BABAM2: variants seen among roughly 807,000 people sequenced by gnomAD.
BABAM2 encodes the protein BRISC and BRCA1-A complex member 2.
BABAM2 carries 31 observed loss-of-function variants against 54.7 expected under a neutral mutation model. The observed-to-expected ratio is 0.57, with a 90% confidence interval of 0.43 to 0.77. The LOEUF (loss-of-function observed/expected upper bound fraction) is 0.77, where lower values mean the gene tolerates loss of function less well. Among genes scored for constraint, BABAM2 ranks in the 30% least tolerant of loss-of-function variants. The probability of loss-of-function intolerance (pLI) is 0.00; values close to 1 mark genes in which losing one functional copy is unlikely to be tolerated. For synonymous variants in BABAM2, 167 were observed against 162.9 expected (o/e 1.03, Z -0.19); for missense variants, 364 against 455.8 (o/e 0.80, Z 1.83).
intron 10 of BABAM2, among the ~76,000 whole-genome samples, chr2:28,292,211 G>A (rs1337430933): frequency 3.9e-5 from 6 of 152,194 alleles, no homozygotes; most frequent in Non-Finnish European, 5.9e-5. Context: ...GCCAACTTGT[G>A]AATAATGGTG....
chr2:28,112,854 T>C (rs146002301), intron 6 of BABAM2, among the ~76,000 whole-genome samples: 89 of 152,326 alleles, frequency 5.8e-4, no homozygotes, highest in African/African-American at 2.0e-3. Flanking sequence ...CTCCACATCC[T>C]TGCCAGCATC....
chr2:28,297,837 C>T (rs931797841), intron 10 of BABAM2, among the ~76,000 whole-genome samples: 14 of 152,070 alleles, frequency 9.2e-5, no homozygotes, highest in Admixed American at 5.2e-4. Context: ...GCACTCTTAC[C>T]GCTTCTCCAA....
chr2:28,254,582 C>T (rs189038147), intron 10 of BABAM2, among the ~76,000 whole-genome samples: 23 of 151,956 alleles, frequency 1.5e-4, no homozygotes, highest in East Asian at 9.7e-4. Flanking sequence ...TATAGTGAAC[C>T]GCTATCACCC....
chr2:28,272,969 T>A (rs1019439466), intron 10 of BABAM2, among the ~76,000 whole-genome samples: 1 of 152,118 alleles, frequency 6.6e-6, no homozygotes, highest in Admixed American at 6.6e-5. Flanking sequence ...CAGGAAGTCA[T>A]CCATGGCCAC....
intron 6 of BABAM2, among the ~76,000 whole-genome samples, chr2:28,061,997 G>A (rs927800806): frequency 7.2e-5 from 11 of 152,074 alleles, no homozygotes; most frequent in Non-Finnish European, 1.2e-4. Flanking sequence ...GGTGGCTCAC[G>A]CCTGTAATCT....
At position 28,325,591 on chromosome 2, in the gene BABAM2, C is replaced by A. The variant is rs183135988; in HGVS notation, c.1089-12859C>A. Among the ~76,000 whole-genome samples, 1 of 152,318 alleles carries A rather than the reference C, an allele frequency of 6.6e-6. No homozygotes were observed. Among genetic ancestry groups the A allele is most frequent in the African/African-American group, 2.4e-5 (1 of 41,554 alleles). On this transcript the variant is annotated intron_variant, in intron 11 of 11. Transcript: ENST00000379624. The surrounding 1 kb of genome is among the most constrained non-coding windows in gnomAD (Gnocchi z 4.3). Reference sequence around the variant, plus strand: ...ACCCTCTCCCATTGAGTAGTTTCTTCTTTGGGAATTGCTGCTTTTCTGTCT... The same window carrying A: ...ACCCTCTCCCATTGAGTAGTTTCTTATTTGGGAATTGCTGCTTTTCTGTCT...
chr2:27,956,132 T>TTC, intron 3 of BABAM2, among the ~76,000 whole-genome samples: 1 of 152,258 alleles, frequency 6.6e-6, no homozygotes, highest in South Asian at 2.1e-4. Flanking sequence ...TACTTCTGAG[T>TTC]TGTCTTCTTT....
At chr2:27,907,700 A>G (rs1009397312) in intron 2 of BABAM2, among the ~76,000 whole-genome samples, 1 of 152,052 alleles carries the variant, frequency 6.6e-6, no homozygotes. Flanking sequence ...TCCCCCAGCT[A>G]CTGGCAGCCA....
chr2:28,213,395 C>T (rs1318902114), intron 7 of BABAM2, among the ~76,000 whole-genome samples: 1 of 152,050 alleles, frequency 6.6e-6, no homozygotes, highest in African/African-American at 2.4e-5. Context: ...CGTTTGCCTA[C>T]CTTTTTGAGA....
intron 10 of BABAM2, among the ~76,000 whole-genome samples, chr2:28,296,091 C>T (rs929342872): frequency 2.6e-5 from 4 of 151,838 alleles, no homozygotes; most frequent in Non-Finnish European, 4.4e-5. Context: ...CCAGCCTGGG[C>T]GACAGAGCGA....
At chr2:28,118,871 G>A (rs1366222788) in intron 6 of BABAM2, among the ~76,000 whole-genome samples, 1 of 152,094 alleles carries the variant, frequency 6.6e-6, no homozygotes, top group Non-Finnish European at 1.5e-5. Flanking sequence ...TTACATTTAA[G>A]TTGTTAATCC....
chr2:28,233,467 C>T (rs987549261), intron 7 of BABAM2, among the ~76,000 whole-genome samples: 1 of 152,094 alleles, frequency 6.6e-6, no homozygotes, highest in Non-Finnish European at 1.5e-5. Flanking sequence ...AACATAATGA[C>T]TCTTTTATTT....
chr2:28,237,375 T>C, intron 8 of BABAM2, 74 bp downstream of exon 8: 1 of 1,337,282 alleles, frequency 7.5e-7, no homozygotes. Context: ...AAAATCATCG[T>C]GCATGCTCCA....
intron 10 of BABAM2, among the ~76,000 whole-genome samples, chr2:28,245,934 A>G (rs771921413): frequency 6.7e-4 from 102 of 152,310 alleles, no homozygotes; most frequent in Non-Finnish European, 1.3e-3. Flanking sequence ...ATCTGATTAC[A>G]CACCAATAGA....
intron 6 of BABAM2, among the ~76,000 whole-genome samples, chr2:28,058,012 C>T (rs937240546): frequency 2.0e-5 from 3 of 151,978 alleles, no homozygotes; most frequent in Admixed American, 6.5e-5. Flanking sequence ...GGCATGGTGG[C>T]GGGCACCTGG....
rs1342237100 is a variant in BABAM2, at chr2:27,986,759, T to C, written c.206-1234T>C. ...GATACTGTTTGAGCAGTAAAAATGA[T>C]TGGATTGATAAAGCTGTTATGTATG... On this transcript the variant is annotated intron_variant, in intron 3 of 11. Transcript: ENST00000379624. Among the ~76,000 whole-genome samples the C allele has an allele frequency of 2.0e-5, 3 of 152,178 alleles. No individual in the cohort carries two copies. The East Asian group carries it at 5.8e-4, about 29-fold the overall frequency.
chr2:28,120,838 T>C (rs532074914), intron 6 of BABAM2, among the ~76,000 whole-genome samples: 54 of 152,150 alleles, frequency 3.5e-4, no homozygotes, highest in African/African-American at 1.2e-3. Context: ...ATGGAGCAAG[T>C]GAATTTACAA....
At chr2:28,094,923 T>TC (rs1491575720) in intron 6 of BABAM2, among the ~76,000 whole-genome samples, 4 of 151,526 alleles carry the variant, frequency 2.6e-5, no homozygotes, top group Non-Finnish European at 4.4e-5. Flanking sequence ...TTTTTTTTTT[T>TC]CACAATGCCT....
chr2:28,010,920 G>A (rs1259419910), intron 4 of BABAM2, among the ~76,000 whole-genome samples: 1 of 152,142 alleles, frequency 6.6e-6, no homozygotes, highest in East Asian at 1.9e-4. Context: ...AAGAAAGAAA[G>A]CCTTTATTTC....
Sources: allele counts gnomAD v4.1 joint callset (sites outside exome capture counted in the v4.1 genomes callset), GRCh38; gene constraint gnomAD v4.1.1; non-coding constraint Gnocchi (gnomAD v3.1); transcripts MANE v1.5; gene names NCBI Gene and HGNC (gene_info 2026-07-23, HGNC 2026-07-21).